DHX57: variants seen among roughly 807,000 people sequenced by gnomAD.
DHX57 encodes DExH-box helicase 57, also known as putative ATP-dependent RNA helicase DHX57.
DHX57 carries 105 observed loss-of-function variants against 156.2 expected under a neutral mutation model. The ratio of observed to expected loss-of-function variants is 0.67; its 90% CI spans 0.57 to 0.79. The LOEUF is 0.79. DHX57 is among the 30% of genes least tolerant of loss of function. The pLI is 0.00. For missense variants in DHX57, 1,847 were observed against 1,661.9 expected (o/e 1.11, Z -1.94); for synonymous variants, 704 against 595.6 (o/e 1.18, Z -2.65).
intron 16 of DHX57, among the ~76,000 whole-genome samples, chr2:38,824,298 T>C (rs1013239017): frequency 6.6e-6 from 1 of 152,168 alleles, no homozygotes; most frequent in Non-Finnish European, 1.5e-5. Context: ...GTATGAGGTA[T>C]CTAAAATAGT....
rs1183700997 is a variant in DHX57, at chr2:38,801,478, C to T, written c.4017+1237G>A. 2.6e-5 allele frequency among the ~76,000 whole-genome samples: 4 copies of T among 152,288 alleles called. No homozygotes were observed. In the East Asian group the frequency reaches 5.8e-4, roughly 22 times the overall value. The stretch of plus-strand genomic sequence containing the variant: ...AGGCTGAAGTGCAGTGGTGCAATCT[C>T]GGCTCACTGCAACCTCTGCCTCCTG... On this transcript the variant is annotated intron_variant, in intron 23 of 23. Transcript: ENST00000457308.
At chr2:38,855,894 C>T (rs1199479191) in intron 7 of DHX57, among the ~76,000 whole-genome samples, 1 of 152,186 alleles carries the variant, frequency 6.6e-6, no homozygotes, top group South Asian at 2.1e-4. Context: ...GCCAGGAGTT[C>T]GAGACCAGCC....
At chr2:38,813,988 T>G in intron 20 of DHX57, 93 bp from the exon 21 acceptor site, 1 of 1,406,366 alleles carries the variant, frequency 7.1e-7, no homozygotes. Context: ...CCCAGGCAAG[T>G]GTGCAGTGGC....
At chr2:38,869,033 C>G (rs1665227700) in intron 1 of DHX57, among the ~76,000 whole-genome samples, 1 of 152,188 alleles carries the variant, frequency 6.6e-6, no homozygotes. Context: ...AACTCATGAC[C>G]TCAAGTGATC....
At chr2:38,818,799 A>G (rs748886402) in intron 19 of DHX57, 78 bp downstream of exon 19, 5 of 1,477,440 alleles carry the variant, frequency 3.4e-6, no homozygotes, top group Non-Finnish European at 4.7e-6. Context: ...AAGACAGGAC[A>G]CATGAGACAA....
chr2:38,807,095 C>T (rs1216334589), intron 21 of DHX57, among the ~76,000 whole-genome samples: 1 of 151,634 alleles, frequency 6.6e-6, no homozygotes, highest in Non-Finnish European at 1.5e-5. Flanking sequence ...CACTCTGTCT[C>T]TCAGGCCAGA....
intron 1 of DHX57, 48 bp from the exon 2 acceptor site, chr2:38,868,459 T>C (rs1665194781): frequency 1.9e-6 from 3 of 1,569,502 alleles, no homozygotes; most frequent in East Asian, 2.2e-5. Context: ...CAGACATGTA[T>C]GATAATCCTT....
intron 1 of DHX57, among the ~76,000 whole-genome samples, chr2:38,871,710 CTTTT>C (rs145199958): frequency 1.5e-5 from 2 of 136,706 alleles, no homozygotes; most frequent in Non-Finnish European, 3.1e-5. Flanking sequence ...ATAACTCATT[CTTTT>C]TTTTTTTTTT....
At chr2:38,828,926 T>C (rs1403326312) in intron 13 of DHX57, among the ~76,000 whole-genome samples, 2 of 152,160 alleles carry the variant, frequency 1.3e-5, no homozygotes, top group Admixed American at 6.5e-5. Flanking sequence ...AATTATTAGC[T>C]AAGCTCTTTT....
chr2:38,858,192 G>T (rs970319779), intron 6 of DHX57, among the ~76,000 whole-genome samples: 10 of 152,162 alleles, frequency 6.6e-5, no homozygotes, highest in Admixed American at 2.6e-4. Flanking sequence ...CTCCCAAGTG[G>T]CTGGGATTAC....
chr2:38,827,776 C>T (rs891779249), intron 14 of DHX57, among the ~76,000 whole-genome samples: 1 of 151,892 alleles, frequency 6.6e-6, no homozygotes, highest in Non-Finnish European at 1.5e-5. Flanking sequence ...GTTACTAATG[C>T]TGCCTTTCCC....
At chr2:38,823,710 A>G (rs989513357) in intron 16 of DHX57, among the ~76,000 whole-genome samples, 1 of 152,312 alleles carries the variant, frequency 6.6e-6, no homozygotes, top group African/African-American at 2.4e-5. Context: ...AAAAGAATTG[A>G]AGTCAGAATC....
rs1417989947 is a variant in DHX57, at chr2:38,806,591, C to T, written c.3784G>A (p.Val1262Ile). The T allele has an allele frequency of 6.2e-7, 1 of 1,614,114 alleles. No individual in the cohort carries two copies. The highest frequency in any genetic ancestry group is 1.1e-5 in the South Asian group (1 of 91,088). Residue 1262 changes from valine to isoleucine, a missense_variant, in exon 22 of 24, where the codon GTA (valine) becomes ATA (isoleucine). Val to Ile is a conservative substitution (Grantham distance 29). Transcript: ENST00000457308. The part of the protein sequence containing the change: ...LKFVTKNDGY[V>I]HIHPSSVNYQ... Reference sequence around the variant, plus strand: ...TTCACTGATGAAGGGTGAATGTGTACATATCCATCGTTCTTGGTGACAAAC... The same window carrying T: ...TTCACTGATGAAGGGTGAATGTGTATATATCCATCGTTCTTGGTGACAAAC...
chr2:38,854,749 A>T (rs867887340), intron 8 of DHX57: 41 of 238,224 alleles, frequency 1.7e-4, no homozygotes, highest in South Asian at 1.1e-3. Context: ...TTTAGTAGAG[A>T]TGGGGTTTCT....
intron 23 of DHX57, among the ~76,000 whole-genome samples, chr2:38,798,674 A>G (rs1004473408): frequency 6.6e-6 from 1 of 152,194 alleles, no homozygotes; most frequent in Non-Finnish European, 1.5e-5. Flanking sequence ...GGCCAGGCGC[A>G]GTGGCTCACG....
At chr2:38,798,709 G>C (rs368826334) in intron 23 of DHX57, among the ~76,000 whole-genome samples, 1 of 152,078 alleles carries the variant, frequency 6.6e-6, no homozygotes, top group East Asian at 1.9e-4. Flanking sequence ...ACTTTGGGAG[G>C]CCAAGGCGGG....
chr2:38,805,222 A>C (rs1162542629), intron 22 of DHX57, among the ~76,000 whole-genome samples: 1 of 152,202 alleles, frequency 6.6e-6, no homozygotes, highest in Non-Finnish European at 1.5e-5. Flanking sequence ...GAAAAGGCAG[A>C]TGACCTCCTG....
chr2:38,861,184 T>C lies in DHX57; in HGVS notation c.1226A>G (p.Tyr409Cys). 6.2e-7 allele frequency: 1 copy of C among 1,614,156 alleles called. No homozygotes were observed. The highest frequency in any genetic ancestry group is 1.1e-5 in the South Asian group (1 of 91,086). The change falls in exon 5 of 24, where the codon TAT becomes TGT. Residue 409 changes from tyrosine to cysteine, a missense_variant. Tyr to Cys is a radical substitution (Grantham distance 194, BLOSUM62 -2). Coordinates refer to ENST00000457308, the MANE Select transcript of DHX57 (RefSeq NM_198963.3). ...TTCCTCTAAAAGGGTTATCAAAGAA[T>C]ATACGACAGGTTCCGAAGTTTCCGC... ...TFAETSEPVV[Y>C]SLITLLEEES...
rs182624804 is a variant in DHX57 at position 38,843,250 on chromosome 2, C to T, written c.2220-40G>A. 292 of 1,603,230 alleles carry T rather than the reference C, an allele frequency of 1.8e-4. No individual in the cohort carries two copies. In the African/African-American group the frequency reaches 3.7e-3, roughly 20 times the overall value. On this transcript the variant is annotated intron_variant, in intron 11 of 23. Transcript: ENST00000457308. ...GGAATGTGGTTGTGTGTATGTGGTC[C>T]TGTTGGTGAGGAGGGAAAGAATTCA...
Sources: gnomAD v4.1 joint callset for allele counts (sites outside exome capture counted in the v4.1 genomes callset) on GRCh38, gnomAD v4.1.1 for gene constraint, MANE v1.5 for transcripts, NCBI Gene and HGNC (gene_info 2026-07-23, HGNC 2026-07-21) for gene names.